The following NUP188 variants were observed in gnomAD, a reference collection of about 807,000 sequenced individuals.
NUP188 encodes the protein nucleoporin 188.
A neutral mutation model predicts 223.0 loss-of-function variants in NUP188; 97 were observed. The observed-to-expected ratio is 0.43, with a 90% CI of 0.37 to 0.51. The LOEUF is 0.51. NUP188 is among the 20% of genes least tolerant of loss of function. The probability of loss-of-function intolerance (pLI) is 0.00; values close to 1 mark genes in which losing one functional copy is unlikely to be tolerated. For missense variants in NUP188, 1,947 were observed against 2,175.6 expected (o/e 0.89, Z 2.09); for synonymous variants, 869 against 828.0 (o/e 1.05, Z -0.85).
chr9:128,982,616 C>T lies in NUP188; in HGVS notation c.1584C>T (p.Tyr528=), dbSNP rs773960503. The T allele has an allele frequency of 1.2e-5, 20 of 1,614,010 alleles. No individual in the cohort carries two copies. In the African/African-American group the frequency reaches 2.4e-4, roughly 19 times the overall value. Residue 528 remains tyrosine (Y), a synonymous_variant, in exon 16 of 44, where the codon TAC becomes TAT. Transcript: ENST00000372577. ...VGQVMLDDRA[Y]LVRWEYSYSS... ...AAGTAATGTTGGATGATAGGGCATACCTGGTACGCTGGGAATACTCCTATA... is the reference window on the plus strand; with the variant it reads ...AAGTAATGTTGGATGATAGGGCATATCTGGTACGCTGGGAATACTCCTATA...
intron 2 of NUP188, 119 bp downstream of exon 2, chr9:128,949,362 C>T (rs922108610): frequency 1.9e-5 from 13 of 697,400 alleles, no homozygotes; most frequent in Admixed American, 2.6e-5. Context: ...GACAGAGTTT[C>T]GCTCTTGTTT....
At position 128,973,209 on chromosome 9, in the gene NUP188, T is replaced by C; in HGVS notation, c.1163T>C (p.Val388Ala). 6.2e-7 allele frequency: 1 copy of C among 1,613,750 alleles called. No homozygotes were observed. The change falls in exon 12 of 44, where the codon GTT (valine) becomes GCT (alanine). Residue 388 changes from valine to alanine, a missense_variant. Physicochemically the swap from Val to Ala is moderately conservative, Grantham distance 64 (BLOSUM62 0). Transcript: ENST00000372577. ...TGTGTCTATGGACTGCTCTCTTTCGTTCTGACCTCGTTGGAGCTGCACACC... is the reference window on the plus strand; with the variant it reads ...TGTGTCTATGGACTGCTCTCTTTCGCTCTGACCTCGTTGGAGCTGCACACC... ...CMCVYGLLSF[V>A]LTSLELHTLG...
chr9:128,960,606 T>C (rs1841934561), intron 8 of NUP188, among the ~76,000 whole-genome samples: 3 of 152,068 alleles, frequency 2.0e-5, no homozygotes, highest in Non-Finnish European at 4.4e-5. Context: ...TAGGACAATA[T>C]AAAATTTAAG....
chr9:129,002,454 A>G (rs1244555965), intron 36 of NUP188, among the ~76,000 whole-genome samples: 3 of 152,196 alleles, frequency 2.0e-5, no homozygotes, highest in East Asian at 3.8e-4. Flanking sequence ...CTAATTTCAA[A>G]AGAGTAGTCT....
In NUP188 at chr9:128,993,428, C is replaced by G. The variant is rs1842464169; in HGVS notation, c.2847+25C>G. The G allele has an allele frequency of 3.1e-6, 5 of 1,612,974 alleles. No homozygotes were observed. The East Asian group carries it at 1.1e-4, about 36-fold the overall frequency. On this transcript the variant is annotated intron_variant, in intron 26 of 43. Coordinates refer to ENST00000372577, the MANE Select transcript of NUP188 (RefSeq NM_015354.3). ...GGTAAGCCTGTAACCTGGGATGACACTGGGAGTTGGCTCACTGGGAGGCAG... is the reference window on the plus strand; with the variant it reads ...GGTAAGCCTGTAACCTGGGATGACAGTGGGAGTTGGCTCACTGGGAGGCAG...
chr9:128,982,932 C>A lies in NUP188; in HGVS notation c.1700C>A (p.Pro567His). 1 of 1,614,140 alleles carries A rather than the reference C, an allele frequency of 6.2e-7. No homozygotes were observed. The change falls in exon 17 of 44, where the codon CCC becomes CAC. Residue 567 changes from proline to histidine, a missense_variant. Transcript: ENST00000372577. ...ATTCAGCACTGCCAGCGAGTCAAAC[C>A]CATCATTGATCTCGTCCATAAGGTC... ...DVIQHCQRVK[P>H]IIDLVHKVIS...
At chr9:128,964,678 C>G (rs907945303) in intron 8 of NUP188, among the ~76,000 whole-genome samples, 1 of 148,780 alleles carries the variant, frequency 6.7e-6, no homozygotes, top group Non-Finnish European at 1.5e-5. Context: ...TAGACTGTAT[C>G]TTTCCAAGAG....
At chr9:129,002,495 G>A (rs752171519) in intron 36 of NUP188, among the ~76,000 whole-genome samples, 8 of 152,216 alleles carry the variant, frequency 5.3e-5, no homozygotes, top group South Asian at 2.1e-4. Flanking sequence ...CATGAGAGTC[G>A]TGAAGTATTT....
chr9:128,967,886 G>A (rs977399267), intron 8 of NUP188, among the ~76,000 whole-genome samples: 13 of 152,140 alleles, frequency 8.5e-5, no homozygotes, highest in Non-Finnish European at 1.3e-4. Flanking sequence ...GCTTGAGCCC[G>A]GTGGGTCAAA....
intron 16 of NUP188, 49 bp downstream of exon 16, chr9:128,982,750 T>C: frequency 4.4e-6 from 7 of 1,602,354 alleles, no homozygotes; most frequent in Non-Finnish European, 6.0e-6. Context: ...AAAGTGGATA[T>C]GCTTGGAGGA....
intron 6 of NUP188, 105 bp downstream of exon 6, chr9:128,958,159 C>A: frequency 1.2e-6 from 1 of 822,070 alleles, no homozygotes. Flanking sequence ...GTTGGGTAAG[C>A]ATGGAGGTCT....
At chr9:128,967,639 A>C (rs1490884352) in intron 8 of NUP188, among the ~76,000 whole-genome samples, 1 of 152,046 alleles carries the variant, frequency 6.6e-6, no homozygotes, top group Non-Finnish European at 1.5e-5. Context: ...AAAAGAAAAA[A>C]ATCAGCCGGG....
chr9:128,985,632 G>A (rs985555692), intron 20 of NUP188, among the ~76,000 whole-genome samples: 9 of 152,184 alleles, frequency 5.9e-5, no homozygotes, highest in Admixed American at 3.9e-4. Flanking sequence ...TATCTTAAGA[G>A]TCTCTAAAAC....
At position 128,986,564 on chromosome 9, in the gene NUP188, C is replaced by G. The variant is rs756599277; in HGVS notation, c.2083C>G (p.Leu695Val). Residue 695 changes from leucine (L) to valine (V), a missense_variant, in exon 21 of 44, where the codon CTT (leucine) becomes GTT (valine). Physicochemically the swap from Leu to Val is conservative, Grantham distance 32. Coordinates refer to ENST00000372577, the MANE Select transcript of NUP188 (RefSeq NM_015354.3). The part of the protein sequence containing the change: ...RLITTLVKGQ[L>V]GSTQSQGLVP... The stretch of plus-strand genomic sequence containing the variant: ...ACTGCATGGTTTCTTGTAGGGGCAA[C>G]TTGGTAGTACCCAGAGCCAAGGACT... The G allele has an allele frequency of 6.2e-7, 1 of 1,613,354 alleles. No individual in the cohort carries two copies. The highest frequency in any genetic ancestry group is 1.1e-5 in the South Asian group (1 of 90,872).
chr9:128,980,521 A>T, intron 13 of NUP188, 85 bp from the exon 14 acceptor site: 2 of 1,440,626 alleles, frequency 1.4e-6, no homozygotes, highest in Middle Eastern at 1.8e-4. Flanking sequence ...TTAATTCTAA[A>T]TTTTCTCATG....
chr9:128,971,251 G>A (rs983726975), intron 11 of NUP188, among the ~76,000 whole-genome samples: 8 of 152,102 alleles, frequency 5.3e-5, no homozygotes, highest in Admixed American at 2.0e-4. Context: ...GGTAGATAAC[G>A]GTTTGAACTC....
chr9:128,949,314 T>C, intron 2 of NUP188, 71 bp downstream of exon 2: 1 of 1,093,052 alleles, frequency 9.1e-7, no homozygotes, highest in South Asian at 1.3e-5. Context: ...AAAAACCTTT[T>C]TTTAAATGTA....
intron 25 of NUP188, among the ~76,000 whole-genome samples, chr9:128,991,920 T>C (rs1398792862): frequency 6.7e-6 from 1 of 148,906 alleles, no homozygotes; most frequent in Non-Finnish European, 1.5e-5. Flanking sequence ...TTTTTTTTTT[T>C]TTTTTGAGAC....
intron 2 of NUP188, 102 bp from the exon 3 acceptor site, chr9:128,952,671 C>T (rs1460004424): frequency 1.1e-6 from 1 of 928,980 alleles, no homozygotes; most frequent in Non-Finnish European, 1.7e-6. Flanking sequence ...TGCAGTCAGC[C>T]AAGTTGGTGC....
Sources: gnomAD v4.1 joint callset for allele counts (sites outside exome capture counted in the v4.1 genomes callset) on GRCh38, gnomAD v4.1.1 for gene constraint, MANE v1.5 for transcripts, NCBI Gene and HGNC (gene_info 2026-07-23, HGNC 2026-07-21) for gene names.